The following SYMPK variants were observed in gnomAD, a reference collection of about 807,000 sequenced individuals.
SYMPK encodes the protein symplekin scaffold protein.
A neutral mutation model predicts 136.4 loss-of-function variants in SYMPK; 49 were observed. That is an observed-to-expected ratio of 0.36 (90% CI 0.29 to 0.46). The LOEUF (loss-of-function observed/expected upper bound fraction) is 0.46. SYMPK is among the 20% of genes least tolerant of loss of function. The pLI is 1.00. For missense variants in SYMPK, 1,365 were observed against 1,690.0 expected, an observed-to-expected ratio of 0.81 and a Z score of 3.37; for synonymous variants, 766 against 713.0, an observed-to-expected ratio of 1.07 and a Z score of -1.19.
chr19:45,841,519 C>A (rs1029304009), intron 9 of SYMPK, among the ~76,000 whole-genome samples: 1 of 152,128 alleles, frequency 6.6e-6, no homozygotes, highest in Admixed American at 6.6e-5. Context: ...TGTCAAACTC[C>A]TAACCTCAGG....
In SYMPK at chr19:45,830,726, A is replaced by G. The variant is rs370494264; in HGVS notation, c.1599-522T>C. ...AACACGGTGAAACCCCGTCTCTACT[A>G]AAAATACAAAAAATTAGCCAGGCGT... On this transcript the variant is annotated intron_variant, in intron 12 of 26. Transcript: ENST00000245934. 3.3e-5 allele frequency: 5 copies of G among 152,342 alleles called. No homozygotes were observed. The East Asian group carries it at 9.6e-4, about 29-fold the overall frequency. 9.4% of individuals were successfully genotyped at this position (152,342 alleles called of 1,614,324 possible). A position where few individuals can be genotyped will look rare whatever the true frequency, so the allele number is the denominator to read the frequency against.
At chr19:45,836,374 T>C (rs1971299817) in intron 10 of SYMPK, among the ~76,000 whole-genome samples, 1 of 152,092 alleles carries the variant, frequency 6.6e-6, no homozygotes, top group African/African-American at 2.4e-5. Flanking sequence ...CTCATGCCTG[T>C]AATCATAGCA....
chr19:45,828,737 A>T, intron 14 of SYMPK: 1 of 576,986 alleles, frequency 1.7e-6, no homozygotes, highest in Non-Finnish European at 3.1e-6. Context: ...GCAAGCTCAG[A>T]GCAAGTGGCA....
At chr19:45,860,600 GAATT>G (rs1190578060) in intron 1 of SYMPK, among the ~76,000 whole-genome samples, 2 of 152,004 alleles carry the variant, frequency 1.3e-5, no homozygotes, top group Non-Finnish European at 1.5e-5. Context: ...AGGTTTAAAT[GAATT>G]AATATGTATA....
chr19:45,843,453 G>T (rs947118528), intron 8 of SYMPK, among the ~76,000 whole-genome samples: 5 of 152,150 alleles, frequency 3.3e-5, no homozygotes, highest in Non-Finnish European at 4.4e-5. Context: ...CCCTTTTGGT[G>T]GGGGGAGAGG....
chr19:45,857,577 C>T (rs1216300837), intron 1 of SYMPK, among the ~76,000 whole-genome samples: 2 of 151,044 alleles, frequency 1.3e-5, no homozygotes, highest in African/African-American at 2.4e-5. Context: ...CTGCAAGCTC[C>T]GCCTCCTGGG....
Position 45,822,860 on chromosome 19 carries a change from G to A in SYMPK, c.2701-14C>T. 1.9e-6 allele frequency: 3 copies of A among 1,599,048 alleles called. No individual in the cohort carries two copies. The highest frequency in any genetic ancestry group is 2.6e-6 in the Non-Finnish European group (3 of 1,166,622). On this transcript the variant is annotated splice_polypyrimidine_tract_variant and intron_variant, in intron 20 of 26. Coordinates refer to ENST00000245934, the MANE Select transcript of SYMPK (RefSeq NM_004819.3). ...GATCACCTCTTTCTACAGGGAGAAG[G>A]TGGTGGGGGTGGGAGTTGAGTCACA...
intron 14 of SYMPK, 63 bp downstream of exon 14, chr19:45,828,907 G>T: frequency 6.6e-7 from 1 of 1,519,790 alleles, no homozygotes; most frequent in South Asian, 1.2e-5. Context: ...AATCAGAAAG[G>T]GAGGGCAGCA....
chr19:45,831,307 GCACACGCA>G, intron 12 of SYMPK, 69 bp downstream of exon 12: 1 of 1,208,216 alleles, frequency 8.3e-7, no homozygotes, highest in African/African-American at 1.6e-5. Flanking sequence ...ACACGCACAC[GCACACGCA>G]CACGAGCTGA....
At chr19:45,837,328 G>A (rs992516499) in intron 10 of SYMPK, among the ~76,000 whole-genome samples, 6 of 151,218 alleles carry the variant, frequency 4.0e-5, no homozygotes, top group African/African-American at 1.5e-4. Context: ...TAAGACAAAA[G>A]GTAGAATGGC....
Position 45,832,946 on chromosome 19 carries a change from G to A in SYMPK, c.1394-1358C>T, listed in dbSNP as rs558272758. On this transcript the variant is annotated intron_variant, in intron 11 of 26. Coordinates refer to ENST00000245934, the MANE Select transcript of SYMPK (RefSeq NM_004819.3). ...AGGCAGGAGAATCACTTGAACCCAG[G>A]AGGCAGAAGTTGCGGTGAGCCGAGA... is the stretch of plus-strand genomic sequence containing the variant. 2.0e-5 allele frequency among the ~76,000 whole-genome samples: 3 copies of A among 151,314 alleles called. No individual in the cohort carries two copies. The South Asian group carries it at 6.3e-4, about 32-fold the overall frequency.
intron 11 of SYMPK, 29 bp from the exon 12 acceptor site, chr19:45,831,617 AGT>A (rs1439028922): frequency 6.5e-7 from 1 of 1,539,690 alleles, no homozygotes; most frequent in South Asian, 1.2e-5. Flanking sequence ...ACAGACACCC[AGT>A]GCGTCAGACC....
At chr19:45,849,178 G>T (rs149194367) in intron 5 of SYMPK, among the ~76,000 whole-genome samples, 1 of 152,142 alleles carries the variant, frequency 6.6e-6, no homozygotes, top group South Asian at 2.1e-4. Context: ...TAGAATAATA[G>T]TATCTATCCA....
intron 10 of SYMPK, among the ~76,000 whole-genome samples, 181 bp downstream of exon 10, chr19:45,838,280 G>C (rs905360827): frequency 3.9e-5 from 6 of 151,934 alleles, no homozygotes; most frequent in Non-Finnish European, 8.8e-5. Context: ...CAGAAGCTAA[G>C]CAGATGCCAG....
At chr19:45,852,663 G>T in intron 3 of SYMPK, 128 bp from the exon 4 acceptor site, 2 of 1,121,988 alleles carry the variant, frequency 1.8e-6, no homozygotes, top group South Asian at 1.3e-5. Flanking sequence ...TCAATGCCTG[G>T]CTCTGCTTCT....
chr19:45,833,891 C>T (rs1006253272), intron 11 of SYMPK, among the ~76,000 whole-genome samples: 7 of 152,226 alleles, frequency 4.6e-5, no homozygotes, highest in Non-Finnish European at 1.0e-4. Flanking sequence ...GTGGCTCACG[C>T]CTGTAATCCC....
intron 5 of SYMPK, 121 bp downstream of exon 5, chr19:45,852,191 G>A: frequency 1.0e-6 from 1 of 1,000,884 alleles, no homozygotes; most frequent in South Asian, 1.3e-5. Flanking sequence ...GTGTGTATGA[G>A]AGAGAGAAAG....
At chr19:45,828,934 C>T (rs1477885150) in intron 14 of SYMPK, 36 bp downstream of exon 14, 6 of 1,600,458 alleles carry the variant, frequency 3.7e-6, no homozygotes, top group Non-Finnish European at 5.1e-6. Context: ...GAGGAAGCCT[C>T]TCGGGGACAG....
Position 45,829,337 on chromosome 19 carries a change from G to A in SYMPK, c.1750-132C>T, listed in dbSNP as rs1000825174. The A allele has an allele frequency of 1.0e-5, 8 of 762,228 alleles. No individual in the cohort carries two copies. The African/African-American group carries it at 1.4e-4, about 13-fold the overall frequency. The allele number at this position is 762,228 out of a possible 1,614,324, so 47.2% of individuals were successfully genotyped here. On this transcript the variant is annotated intron_variant, in intron 13 of 26. Coordinates refer to ENST00000245934, the MANE Select transcript of SYMPK (RefSeq NM_004819.3). ...ACAAGGAGTGAAGCGAGGAAGGCCAGCCGAGGACCCTTATGCCTAGGAAGG... is the reference window on the plus strand; with the variant it reads ...ACAAGGAGTGAAGCGAGGAAGGCCAACCGAGGACCCTTATGCCTAGGAAGG...
Sources: gnomAD v4.1 joint callset for allele counts (sites outside exome capture counted in the v4.1 genomes callset) on GRCh38, gnomAD v4.1.1 for gene constraint, MANE v1.5 for transcripts, NCBI Gene and HGNC (gene_info 2026-07-23, HGNC 2026-07-21) for gene names.